The following MYBPHL variants were observed in gnomAD, a reference collection of about 807,000 sequenced individuals.
The protein encoded by MYBPHL is myosin binding protein H like, also known as myosin-binding protein H-like.
Under a neutral mutation model 39.5 loss-of-function variants are expected in MYBPHL, and 32 were observed. The observed-to-expected ratio is 0.81, with a 90% CI of 0.61 to 1.09. MYBPHL has a LOEUF of 1.09. Ranked by LOEUF, MYBPHL falls within the 50% of genes least tolerant of loss-of-function variation. The pLI is 0.00. For synonymous variants in MYBPHL, 196 were observed against 183.7 expected (o/e 1.07, Z -0.54); for missense variants, 456 against 460.2 (o/e 0.99, Z 0.08).
intron 1 of MYBPHL, among the ~76,000 whole-genome samples, chr1:109,301,603 T>G (rs911030072): frequency 1.3e-5 from 2 of 152,064 alleles, no homozygotes; most frequent in African/African-American, 4.8e-5. Flanking sequence ...TAGCCAGGTG[T>G]GGTGGCGGGC....
chr1:109,297,581 C>T lies in MYBPHL; in HGVS notation c.271G>A (p.Gly91Ser), dbSNP rs770825563. 1.9e-5 allele frequency: 31 copies of T among 1,613,706 alleles called. No homozygotes were observed. Among genetic ancestry groups the T allele is most frequent in the Non-Finnish European group, 2.6e-5 (31 of 1,180,016 alleles). ...PKPQAIWTHDGCALDTRRVSV... is the reference protein window; with the variant it reads ...PKPQAIWTHDSCALDTRRVSV... ...ACACGCCTGGTGTCCAAGGCACAGC[C>T]ATCATGTGTCCAGATGGCTTGAGGT... Residue 91 changes from glycine to serine, a missense_variant, in exon 3 of 9, where the codon GGC becomes AGC. By Grantham distance (56) the Gly-to-Ser change is moderately conservative. Coordinates refer to ENST00000357155, the MANE Select transcript of MYBPHL (RefSeq NM_001010985.3).
chr1:109,303,796 C>G (rs914961597), intron 1 of MYBPHL, among the ~76,000 whole-genome samples: 1 of 152,134 alleles, frequency 6.6e-6, no homozygotes, highest in Non-Finnish European at 1.5e-5. Flanking sequence ...GTAGACAAAC[C>G]AAAGTCTTCA....
intron 2 of MYBPHL, 103 bp downstream of exon 2, chr1:109,298,066 G>A: frequency 4.1e-6 from 4 of 979,824 alleles, no homozygotes; most frequent in Non-Finnish European, 4.6e-6. Context: ...ATCCAAGGCT[G>A]GGAAGATTGC....
chr1:109,296,977 C>T (rs1308685318), intron 4 of MYBPHL, 35 bp from the exon 5 acceptor site: 1 of 1,613,828 alleles, frequency 6.2e-7, no homozygotes, highest in African/African-American at 1.3e-5. Context: ...AAATCAGCCA[C>T]CCCATGTGGA....
chr1:109,303,836 T>C (rs1232367928), intron 1 of MYBPHL, among the ~76,000 whole-genome samples: 1 of 152,190 alleles, frequency 6.6e-6, no homozygotes, highest in Non-Finnish European at 1.5e-5. Context: ...CAGACTGAAA[T>C]ACTGCCACTG....
At chr1:109,292,988 C>T (rs890967525) in intron 8 of MYBPHL, 1 of 152,196 alleles carries the variant, frequency 6.6e-6, no homozygotes, top group Non-Finnish European at 1.5e-5. Context: ...CAATAATGTG[C>T]TGCTTGGGAC....
Position 109,297,970 on chromosome 1 carries a change from T to C in MYBPHL, c.234+199A>G, listed in dbSNP as rs1658144719. On this transcript the variant is annotated intron_variant, in intron 2 of 8. Coordinates refer to ENST00000357155, the MANE Select transcript of MYBPHL (RefSeq NM_001010985.3). ...CATGGATTAGCCTCACACCATCTCA[T>C]GGGTGCACACCCAGTCCTATCCAAA... 2.0e-5 allele frequency among the ~76,000 whole-genome samples: 3 copies of C among 152,226 alleles called. No homozygotes were observed. The South Asian group carries it at 6.2e-4, about 31-fold the overall frequency.
chr1:109,294,415 A>T (rs1431328799), intron 7 of MYBPHL, among the ~76,000 whole-genome samples, 166 bp from the exon 8 acceptor site: 1 of 152,232 alleles, frequency 6.6e-6, no homozygotes, highest in Non-Finnish European at 1.5e-5. Flanking sequence ...GGGCTCATTC[A>T]TTCTTGATCC....
intron 5 of MYBPHL, 21 bp downstream of exon 5, chr1:109,296,762 T>A: frequency 6.2e-7 from 1 of 1,614,026 alleles, no homozygotes; most frequent in Non-Finnish European, 8.5e-7. Flanking sequence ...TCCCAGCTCA[T>A]GATCCCCATG....
rs139001634 is a variant in MYBPHL, at chr1:109,295,161, G to A, written c.1004C>T (p.Ala335Val). The A allele has an allele frequency of 2.7e-5, 44 of 1,614,024 alleles. No homozygotes were observed. In the African/African-American group the frequency reaches 2.8e-4, roughly 10 times the overall value. Residue 335 changes from alanine (A) to valine (V), a missense_variant, in exon 7 of 9, where the codon GCG becomes GTG. Transcript: ENST00000357155. ...PFDGGIYTCKAVNPLGEASVD... is the reference protein window; with the variant it reads ...PFDGGIYTCKVVNPLGEASVD... ...AGATGCCTCCCCTAGGGGGTTCACC[G>A]CCTTGCAGGTATAGATGCCTCCATC...
chr1:109,294,698 A>C (rs915144889), intron 7 of MYBPHL, among the ~76,000 whole-genome samples: 2 of 152,214 alleles, frequency 1.3e-5, no homozygotes, highest in African/African-American at 2.4e-5. Context: ...AGTGAAATAA[A>C]GCCTGACAAA....
At position 109,300,698 on chromosome 1, in the gene MYBPHL, G is replaced by T. The variant is rs1570854384; in HGVS notation, c.146-2441C>A. Among the ~76,000 whole-genome samples the T allele has an allele frequency of 3.9e-5, 6 of 152,322 alleles. 2 individuals are homozygous for T. The highest frequency in any genetic ancestry group is 3.9e-4 in the Admixed American group (6 of 15,304). On this transcript the variant is annotated intron_variant, in intron 1 of 8. Transcript: ENST00000357155. Reference sequence around the variant, plus strand: ...TGTGGGAGTTAGAGGAAGAGGAGCAGACTGGCCCTTGGATCTAGAGGGGAT... The same window carrying T: ...TGTGGGAGTTAGAGGAAGAGGAGCATACTGGCCCTTGGATCTAGAGGGGAT...
chr1:109,296,702 G>T lies in MYBPHL; in HGVS notation c.730+81C>A, dbSNP rs573088966. 77 of 1,548,282 alleles carry T rather than the reference G, an allele frequency of 5.0e-5. No homozygotes were observed. The African/African-American group carries it at 8.9e-4, about 18-fold the overall frequency. ...GATCCGCCTGCCTTGGCCTCCCAAA[G>T]TGCTGGAATTAGAGGCGTGAGCCAC... On this transcript the variant is annotated intron_variant, in intron 5 of 8. Coordinates refer to ENST00000357155, the MANE Select transcript of MYBPHL (RefSeq NM_001010985.3).
intron 1 of MYBPHL, among the ~76,000 whole-genome samples, chr1:109,300,796 G>C (rs1347611061): frequency 6.6e-6 from 1 of 152,182 alleles, no homozygotes; most frequent in Non-Finnish European, 1.5e-5. Context: ...GAGGACGGCA[G>C]TCTCTCCCTC....
Position 109,296,683 on chromosome 1 carries a change from C to T in MYBPHL, c.730+100G>A, listed in dbSNP as rs1430921714. The T allele has an allele frequency of 2.8e-6, 4 of 1,409,936 alleles. No homozygotes were observed. In the Admixed American group the frequency reaches 5.2e-5, roughly 18 times the overall value. 87.3% of individuals were successfully genotyped at this position (1,409,936 alleles called of 1,614,324 possible). A position where few individuals can be genotyped will look rare whatever the true frequency, so the allele number is the denominator to read the frequency against. ...TGAACTCCTGACCTCAGGTGATCCG[C>T]CTGCCTTGGCCTCCCAAAGTGCTGG... is the stretch of plus-strand genomic sequence containing the variant. On this transcript the variant is annotated intron_variant, in intron 5 of 8. Transcript: ENST00000357155.
At chr1:109,296,435 CTTAGTATT>C in intron 5 of MYBPHL, 65 bp from the exon 6 acceptor site, 1 of 1,558,848 alleles carries the variant, frequency 6.4e-7, no homozygotes, top group South Asian at 1.2e-5. Context: ...ACTCTTTATC[CTTAGTATT>C]TTTTTTTTTT....
intron 3 of MYBPHL, 82 bp downstream of exon 3, chr1:109,297,340 C>T: frequency 6.4e-7 from 1 of 1,557,060 alleles, no homozygotes; most frequent in Non-Finnish European, 8.7e-7. Flanking sequence ...CCGCAGCTTC[C>T]CCAGCTCTCT....
chr1:109,294,161 A>C, intron 8 of MYBPHL, 45 bp downstream of exon 8: 2 of 1,302,554 alleles, frequency 1.5e-6, no homozygotes, highest in Non-Finnish European at 2.2e-6. Context: ...CACTAGCCAT[A>C]AACAGGAAGT....
At chr1:109,294,357 A>G (rs1339037078) in intron 7 of MYBPHL, 108 bp from the exon 8 acceptor site, 3 of 1,023,010 alleles carry the variant, frequency 2.9e-6, no homozygotes, top group Non-Finnish European at 4.6e-6. Flanking sequence ...TGGGGAGTCA[A>G]TGGTGCTAAT....
Sources: allele counts gnomAD v4.1 joint callset (sites outside exome capture counted in the v4.1 genomes callset), GRCh38; gene constraint gnomAD v4.1.1; transcripts MANE v1.5; gene names NCBI Gene and HGNC (gene_info 2026-07-23, HGNC 2026-07-21).